The following LRRC4C variants were observed in gnomAD, a reference collection of about 807,000 sequenced individuals.
LRRC4C encodes the protein leucine-rich repeat-containing protein 4C.
LRRC4C carries 5 observed loss-of-function variants against 33.6 expected under a neutral mutation model. That is an observed-to-expected ratio of 0.15 (90% confidence interval 0.08 to 0.31). The LOEUF is 0.31. LRRC4C is among the 10% of genes least tolerant of loss of function. The probability of loss-of-function intolerance (pLI) is 1.00; values close to 1 mark genes in which losing one functional copy is unlikely to be tolerated. For synonymous variants in LRRC4C, 329 were observed against 302.0 expected, an observed-to-expected ratio of 1.09 and a Z score of -0.93; for missense variants, 560 against 796.7, an observed-to-expected ratio of 0.70 and a Z score of 3.58.
At chr11:40,822,994 T>C (rs1254125450) in intron 2 of LRRC4C, among the ~76,000 whole-genome samples, 1 of 151,806 alleles carries the variant, frequency 6.6e-6, no homozygotes, top group African/African-American at 2.4e-5. Flanking sequence ...AATCTGTGAT[T>C]TTATCTCTGG....
chr11:41,298,904 A>G (rs1170087993), intron 1 of LRRC4C, among the ~76,000 whole-genome samples: 1 of 152,098 alleles, frequency 6.6e-6, no homozygotes, highest in Non-Finnish European at 1.5e-5. Flanking sequence ...TTGACATTCT[A>G]TTTCTGAGTT....
At chr11:41,325,411 T>A (rs1434759654) in intron 1 of LRRC4C, among the ~76,000 whole-genome samples, 1 of 152,176 alleles carries the variant, frequency 6.6e-6, no homozygotes, top group Non-Finnish European at 1.5e-5. Context: ...AAAATAAATA[T>A]GTTCAATATT....
intron 3 of LRRC4C, among the ~76,000 whole-genome samples, chr11:40,614,026 G>A (rs1961508317): frequency 1.3e-5 from 2 of 151,684 alleles, no homozygotes; most frequent in African/African-American, 2.4e-5. Context: ...ATTCTTCTGG[G>A]CTGTAGGAGT....
chr11:40,494,442 T>C (rs1954322768), intron 3 of LRRC4C, among the ~76,000 whole-genome samples: 1 of 152,186 alleles, frequency 6.6e-6, no homozygotes, highest in South Asian at 2.1e-4. Flanking sequence ...AGAATAGTGA[T>C]TATTTCTGAG....
intron 4 of LRRC4C, among the ~76,000 whole-genome samples, chr11:40,296,057 TG>T (rs2061563379): frequency 6.6e-6 from 1 of 152,216 alleles, no homozygotes; most frequent in Non-Finnish European, 1.5e-5. Flanking sequence ...GCCAATGATT[TG>T]TTTTTTTCAG....
At chr11:40,711,658 C>G (rs1373558049) in intron 2 of LRRC4C, among the ~76,000 whole-genome samples, 1 of 150,444 alleles carries the variant, frequency 6.6e-6, no homozygotes, top group African/African-American at 2.4e-5. Flanking sequence ...ATAGACATGA[C>G]CTGAATAAAG....
intron 1 of LRRC4C, among the ~76,000 whole-genome samples, chr11:41,414,021 T>C (rs140026181): frequency 8.8e-4 from 134 of 152,304 alleles, no homozygotes; most frequent in African/African-American, 3.2e-3. Flanking sequence ...GGGTTTCTGT[T>C]CTAACTTTCA....
intron 2 of LRRC4C, among the ~76,000 whole-genome samples, chr11:40,848,089 T>C (rs1343851480): frequency 6.6e-6 from 1 of 151,838 alleles, no homozygotes; most frequent in Non-Finnish European, 1.5e-5. Context: ...ATCTATCTTT[T>C]TTTTTAAAAA....
chr11:40,512,640 A>G (rs1221852431), intron 3 of LRRC4C, among the ~76,000 whole-genome samples: 1 of 152,158 alleles, frequency 6.6e-6, no homozygotes, highest in African/African-American at 2.4e-5. Flanking sequence ...TCCTCTCCAT[A>G]TGGATCATTG....
chr11:40,624,681 T>G (rs189327208), intron 3 of LRRC4C, among the ~76,000 whole-genome samples: 44 of 152,274 alleles, frequency 2.9e-4, no homozygotes, highest in African/African-American at 1.1e-3. Context: ...GCTGGTTGTC[T>G]TACAACAAGT....
intron 4 of LRRC4C, among the ~76,000 whole-genome samples, chr11:40,318,863 C>G (rs7110640): frequency 0.96 from 146,620 of 152,270 alleles, 70,825 homozygotes; most frequent in Non-Finnish European, 1. Flanking sequence ...TGATAGCACA[C>G]ACAACATGTC....
At chr11:41,359,224 C>T (rs1223579508) in intron 1 of LRRC4C, among the ~76,000 whole-genome samples, 1 of 152,022 alleles carries the variant, frequency 6.6e-6, no homozygotes, top group Admixed American at 6.5e-5. Context: ...CACAGAGAGT[C>T]TTCAGAGTGG....
intron 1 of LRRC4C, among the ~76,000 whole-genome samples, chr11:40,961,834 T>TA (rs922900079): frequency 6.6e-5 from 10 of 151,688 alleles, no homozygotes; most frequent in African/African-American, 7.3e-5. Flanking sequence ...CCATTCATTT[T>TA]AAAAAAACCT....
At chr11:40,956,703 C>G (rs145058478) in intron 1 of LRRC4C, among the ~76,000 whole-genome samples, 22 of 151,824 alleles carry the variant, frequency 1.4e-4, no homozygotes, top group Admixed American at 2.6e-4. Context: ...TATCTCTTCT[C>G]TATGTCACAA....
At chr11:41,241,652 G>T (rs191500884) in intron 1 of LRRC4C, among the ~76,000 whole-genome samples, 2 of 152,256 alleles carry the variant, frequency 1.3e-5, no homozygotes, top group Non-Finnish European at 2.9e-5. Flanking sequence ...AATGATAATG[G>T]TGACCATGGT....
intron 1 of LRRC4C, among the ~76,000 whole-genome samples, chr11:41,404,779 T>C (rs1316892808): frequency 6.6e-6 from 1 of 152,006 alleles, no homozygotes; most frequent in East Asian, 1.9e-4. Flanking sequence ...AGACCATCAA[T>C]TAGAAGCAAA....
At chr11:40,587,131 T>C (rs1326391351) in intron 3 of LRRC4C, among the ~76,000 whole-genome samples, 1 of 152,090 alleles carries the variant, frequency 6.6e-6, no homozygotes, top group Non-Finnish European at 1.5e-5. Context: ...TCCATTTGTT[T>C]GTATCCTCTT....
chr11:41,213,714 T>C (rs994876424), intron 1 of LRRC4C, among the ~76,000 whole-genome samples: 1 of 152,176 alleles, frequency 6.6e-6, no homozygotes, highest in African/African-American at 2.4e-5. Context: ...GCAGGGTAAA[T>C]ATGCACTTCC....
chr11:40,862,736 ACCTAGAC>A (rs1306276591), intron 2 of LRRC4C, among the ~76,000 whole-genome samples: 1 of 152,298 alleles, frequency 6.6e-6, no homozygotes, highest in African/African-American at 2.4e-5. Flanking sequence ...TGATTCTGTC[ACCTAGAC>A]CCACAATTTT....
Sources: gnomAD v4.1 joint callset for allele counts (sites outside exome capture counted in the v4.1 genomes callset) on GRCh38, gnomAD v4.1.1 for gene constraint, MANE v1.5 for transcripts, NCBI Gene and HGNC (gene_info 2026-07-23, HGNC 2026-07-21) for gene names.